SEC14L2: variants seen among roughly 807,000 people sequenced by gnomAD.
The protein encoded by SEC14L2 is SEC14 like lipid binding 2.
Under a neutral mutation model 56.9 loss-of-function variants are expected in SEC14L2, and 50 were observed. That is an observed-to-expected ratio of 0.88 (90% CI 0.70 to 1.11). The LOEUF is 1.11. Among genes scored for constraint, SEC14L2 ranks in the 50% most tolerant of loss-of-function variants. The pLI, the probability that SEC14L2 is intolerant of heterozygous loss-of-function variation, is 0.00. For missense variants in SEC14L2, 414 were observed against 500.7 expected, an observed-to-expected ratio of 0.83 and a Z score of 1.65; for synonymous variants, 179 against 188.5, an observed-to-expected ratio of 0.95 and a Z score of 0.41.
chr22:30,406,624 CCTT>C (rs1934101680), intron 3 of SEC14L2, among the ~76,000 whole-genome samples: 1 of 152,180 alleles, frequency 6.6e-6, no homozygotes. Context: ...ACAGGCAGGG[CCTT>C]CTTTTCCATT....
intron 3 of SEC14L2, 132 bp downstream of exon 3, chr22:30,406,517 C>T (rs937142253): frequency 3.7e-6 from 3 of 815,746 alleles, no homozygotes; most frequent in Non-Finnish European, 6.0e-6. Flanking sequence ...GTTGCCTTAT[C>T]CCTCTGGGAC....
chr22:30,416,198 A>G (rs767873748), intron 10 of SEC14L2, 36 bp from the exon 11 acceptor site: 1 of 1,610,040 alleles, frequency 6.2e-7, no homozygotes, highest in East Asian at 2.2e-5. Flanking sequence ...GCACACACAG[A>G]CAGAATTATG....
In SEC14L2 at chr22:30,422,650, C is replaced by G; in HGVS notation, c.*243C>G. On this transcript the variant is annotated 3_prime_UTR_variant, in exon 12 of 12. Coordinates refer to ENST00000615189, the MANE Select transcript of SEC14L2 (RefSeq NM_012429.5). ...TGATAGGATCTGTCTGTCCTGTAAACTGTGCCAACTTCACCTGTCCAGGGA... is the reference window on the plus strand; with the variant it reads ...TGATAGGATCTGTCTGTCCTGTAAAGTGTGCCAACTTCACCTGTCCAGGGA... The G allele has an allele frequency of 2.4e-6, 1 of 424,140 alleles. No homozygotes were observed. The highest frequency in any genetic ancestry group is 3.6e-5 in the South Asian group (1 of 27,568). 26.3% of individuals were successfully genotyped at this position (424,140 alleles called of 1,614,324 possible).
intron 8 of SEC14L2, among the ~76,000 whole-genome samples, chr22:30,412,479 G>C (rs1934276225): frequency 6.6e-6 from 1 of 151,944 alleles, no homozygotes; most frequent in Admixed American, 6.6e-5. Context: ...GCCTGAATCG[G>C]GGAATTGGCA....
chr22:30,415,417 G>C (rs904322792), intron 8 of SEC14L2, among the ~76,000 whole-genome samples: 1 of 152,088 alleles, frequency 6.6e-6, no homozygotes, highest in African/African-American at 2.4e-5. Context: ...TAGGCAACAG[G>C]GTGAGACTCT....
intron 11 of SEC14L2, among the ~76,000 whole-genome samples, chr22:30,417,928 G>A (rs1280138337): frequency 6.6e-6 from 1 of 152,022 alleles, no homozygotes; most frequent in African/African-American, 2.4e-5. Context: ...ATAGCTCCTG[G>A]GGGAGGCGGA....
chr22:30,424,005 G>C lies in SEC14L2; in HGVS notation c.*1598G>C, dbSNP rs904359886. 1 of 152,290 alleles carries C rather than the reference G, an allele frequency of 6.6e-6. No individual in the cohort carries two copies. The highest frequency in any genetic ancestry group is 1.5e-5 in the Non-Finnish European group (1 of 68,082). The allele number at this position is 152,290 out of a possible 1,614,324, so 9.4% of individuals were successfully genotyped here. On this transcript the variant is annotated 3_prime_UTR_variant, in exon 12 of 12. Transcript: ENST00000615189. ...GCTCTCTAGCGTGAGCTTTCCCAAG[G>C]GGCCACGCCCAGCTTGCCTTCTGAT...
intron 2 of SEC14L2, among the ~76,000 whole-genome samples, chr22:30,402,931 T>C (rs1307826912): frequency 6.6e-6 from 1 of 151,298 alleles, no homozygotes; most frequent in Non-Finnish European, 1.5e-5. Flanking sequence ...AAAAAAAAAA[T>C]TAGCTGGGTG....
rs1379021480 is a variant in SEC14L2 at position 30,397,169 on chromosome 22, A to G, written c.53A>G (p.Lys18Arg). The change falls in exon 1 of 12, where the codon AAG (lysine) becomes AGG (arginine). Residue 18 changes from lysine (K) to arginine (R), a missense_variant and splice_region_variant. By Grantham distance (26) the Lys-to-Arg change is conservative (BLOSUM62 2). Transcript: ENST00000615189. ...CCCAGGCAGAAGGAGGCATTGGCCA[A>G]GGTGAGCTGTAGCCCTGGCCCGGGC... is the stretch of plus-strand genomic sequence containing the variant. ...LSPRQKEALA[K>R]FRENVQDVLP... The G allele has an allele frequency of 6.5e-7, 1 of 1,540,948 alleles. No individual in the cohort carries two copies. Among genetic ancestry groups the G allele is most frequent in the South Asian group, 1.2e-5 (1 of 82,742 alleles).
intron 8 of SEC14L2, among the ~76,000 whole-genome samples, chr22:30,412,836 CAAACAAAAAAACAAAAAAA>C (rs1300015633): frequency 1.6e-5 from 2 of 128,740 alleles, no homozygotes; most frequent in African/African-American, 6.0e-5. Context: ...AAAAAAAAAA[CAAACAAAAAAACAAAAAAA>C]AAACAAAAAA....
At chr22:30,407,712 C>CT in intron 5 of SEC14L2, 109 bp downstream of exon 5, 6 of 881,560 alleles carry the variant, frequency 6.8e-6, no homozygotes, top group South Asian at 2.9e-5. Flanking sequence ...CAAGGCCCAG[C>CT]CTTTTTTTTT....
At chr22:30,406,223 G>A in intron 2 of SEC14L2, 119 bp from the exon 3 acceptor site, 2 of 932,086 alleles carry the variant, frequency 2.1e-6, no homozygotes, top group South Asian at 1.5e-5. Flanking sequence ...TGGTCTGAGG[G>A]TTAGCTGGAG....
At chr22:30,399,513 C>CAAAAAA (rs60817387) in intron 1 of SEC14L2, 130 bp from the exon 2 acceptor site, 57 of 242,740 alleles carry the variant, frequency 2.3e-4, no homozygotes, top group African/African-American at 3.7e-4. Context: ...GACTCTATCT[C>CAAAAAA]AAAAAAAAAA....
Position 30,410,123 on chromosome 22 carries a change from G to A in SEC14L2, c.581-473G>A, listed in dbSNP as rs188284361. ...TGAAGCACAAAAATCACTTGAACCC[G>A]GGAGGTGGAGGATGCAGTGAGCTGA... On this transcript the variant is annotated intron_variant, in intron 7 of 11. Transcript: ENST00000615189. 2.6e-3 allele frequency among the ~76,000 whole-genome samples: 391 copies of A among 151,242 alleles called. 1 individual carries two copies. Among genetic ancestry groups the A allele is most frequent in the African/African-American group, 8.4e-3 (345 of 41,236 alleles).
chr22:30,405,542 CCT>C (rs1934069972), intron 2 of SEC14L2, among the ~76,000 whole-genome samples: 1 of 152,058 alleles, frequency 6.6e-6, no homozygotes, highest in East Asian at 1.9e-4. Flanking sequence ...GGAGGCAGGC[CCT>C]TTGTGTGGCT....
Position 30,422,612 on chromosome 22 carries a change from T to A in SEC14L2, c.*205T>A, listed in dbSNP as rs2146047476. ...AAATACCTAAGGAGTCCCCAGGAGC[T>A]GGCTGGCCATCGTGATAGGATCTGT... On this transcript the variant is annotated 3_prime_UTR_variant, in exon 12 of 12. Transcript: ENST00000615189. The A allele has an allele frequency of 1.8e-6, 1 of 570,220 alleles. No homozygotes were observed. Among genetic ancestry groups the A allele is most frequent in the South Asian group, 2.3e-5 (1 of 44,088 alleles). The allele number at this position is 570,220 out of a possible 1,614,324, so 35.3% of individuals were successfully genotyped here. A position where few individuals can be genotyped will look rare whatever the true frequency, so the allele number is the denominator to read the frequency against.
Position 30,397,035 on chromosome 22 carries a change from C to A in SEC14L2, c.-82C>A. The A allele has an allele frequency of 1.6e-6, 2 of 1,273,324 alleles. No homozygotes were observed. Among genetic ancestry groups the A allele is most frequent in the Non-Finnish European group, 2.2e-6 (2 of 901,558 alleles). The allele number at this position is 1,273,324 out of a possible 1,614,324, so 78.9% of individuals were successfully genotyped here. Reference sequence around the variant, plus strand: ...AAGGCTGGGACTTTACTCCGGGTGGCGGCGAGGACGAGTCTGTGCTCCATC... The same window carrying A: ...AAGGCTGGGACTTTACTCCGGGTGGAGGCGAGGACGAGTCTGTGCTCCATC... On this transcript the variant is annotated 5_prime_UTR_variant, in exon 1 of 12. Coordinates refer to ENST00000615189, the MANE Select transcript of SEC14L2 (RefSeq NM_012429.5).
chr22:30,410,410 G>A (rs574885887), intron 7 of SEC14L2, among the ~76,000 whole-genome samples, 186 bp from the exon 8 acceptor site: 194 of 152,354 alleles, frequency 1.3e-3, no homozygotes, highest in African/African-American at 4.2e-3. Context: ...GTAAAGATGG[G>A]AAGGCTGGAC....
intron 1 of SEC14L2, among the ~76,000 whole-genome samples, chr22:30,399,296 G>T (rs1004901267): frequency 2.6e-5 from 4 of 151,990 alleles, no homozygotes; most frequent in Non-Finnish European, 1.5e-5. Flanking sequence ...GGCGGATCAG[G>T]ACGAGGTCAG....
Sources: allele counts gnomAD v4.1 joint callset (sites outside exome capture counted in the v4.1 genomes callset), GRCh38; gene constraint gnomAD v4.1.1; transcripts MANE v1.5; gene names NCBI Gene and HGNC (gene_info 2026-07-23, HGNC 2026-07-21).